SLC16A1: variants seen among roughly 807,000 people sequenced by gnomAD.
The protein encoded by SLC16A1 is monocarboxylate transporter 1.
In SLC16A1, 11 loss-of-function variants were observed where a neutral mutation model predicts 32.2. The observed-to-expected ratio is 0.34, with a 90% CI of 0.21 to 0.56. The LOEUF is 0.56. Among genes scored for constraint, SLC16A1 ranks in the 20% least tolerant of loss-of-function variants. The probability of loss-of-function intolerance (pLI) is 0.87; values close to 1 mark genes in which losing one functional copy is unlikely to be tolerated. For missense variants in SLC16A1, 435 were observed against 615.0 expected (o/e 0.71, Z 3.10); for synonymous variants, 231 against 226.8 (o/e 1.02, Z -0.17).
chr1:112,948,731 G>T (rs1430959810), intron 1 of SLC16A1, among the ~76,000 whole-genome samples: 1 of 152,238 alleles, frequency 6.6e-6, no homozygotes, highest in East Asian at 1.9e-4. Context: ...TCGAACTCCT[G>T]ACCTCAGGTG....
chr1:112,940,130 T>C (rs2101644135), intron 1 of SLC16A1, among the ~76,000 whole-genome samples: 1 of 150,292 alleles, frequency 6.7e-6, no homozygotes, highest in South Asian at 2.1e-4. Flanking sequence ...CTGTAGCTCC[T>C]GGGCTCAAGT....
intron 1 of SLC16A1, among the ~76,000 whole-genome samples, chr1:112,943,889 A>C (rs938181827): frequency 6.6e-6 from 1 of 152,160 alleles, no homozygotes; most frequent in African/African-American, 2.4e-5. Flanking sequence ...ATATACACCA[A>C]ACTTTTTGGC....
At chr1:112,933,172 A>C (rs1649194089) in intron 1 of SLC16A1, among the ~76,000 whole-genome samples, 1 of 152,170 alleles carries the variant, frequency 6.6e-6, no homozygotes, top group African/African-American at 2.4e-5. Flanking sequence ...ATAAAGAAAC[A>C]ACTATAAAAA....
At chr1:112,946,836 T>A (rs1419842905) in intron 1 of SLC16A1, among the ~76,000 whole-genome samples, 1 of 152,120 alleles carries the variant, frequency 6.6e-6, no homozygotes, top group Non-Finnish European at 1.5e-5. Context: ...AAAGAACTTA[T>A]CAATCTTGTT....
At chr1:112,950,145 TATA>T (rs34772905) in intron 1 of SLC16A1, among the ~76,000 whole-genome samples, 14,718 of 152,212 alleles carry the variant, frequency 0.097, 878 homozygotes, top group Non-Finnish European at 0.14. Flanking sequence ...AATGAAAAGA[TATA>T]ATATTTTTCC....
intron 1 of SLC16A1, among the ~76,000 whole-genome samples, chr1:112,954,973 AT>A (rs1650023616): frequency 6.6e-6 from 1 of 152,208 alleles, no homozygotes. Context: ...GGATAAAAAA[AT>A]TGTTGAAACC....
At position 112,917,934 on chromosome 1, in the gene SLC16A1, G is replaced by GTACA; in HGVS notation, c.471_472insTGTA (p.Leu158CysfsTer53). 1 of 1,598,778 alleles carries GTACA rather than the reference G, an allele frequency of 6.3e-7. No homozygotes were observed. The highest frequency in any genetic ancestry group is 1.1e-5 in the South Asian group (1 of 88,190). Reference sequence around the variant, plus strand: ...TGATTGAGGGGGGCCAGAGTACAGAGGAACACAGGGCTGCCTGCCATGGCC... The same window carrying GTACA: ...TGATTGAGGGGGGCCAGAGTACAGAGTACAGAACACAGGGCTGCCTGCCATGGCC... On this transcript the variant is annotated frameshift_variant, in exon 4 of 5. Coordinates refer to ENST00000369626, the MANE Select transcript of SLC16A1 (RefSeq NM_003051.4). LOFTEE classifies it high-confidence loss of function. The surrounding 1 kb of genome is among the most constrained non-coding windows in gnomAD (Gnocchi z 4.1).
intron 1 of SLC16A1, among the ~76,000 whole-genome samples, chr1:112,950,184 A>T (rs138396323): frequency 9.1e-4 from 138 of 152,330 alleles, no homozygotes; most frequent in Non-Finnish European, 1.6e-3. Context: ...AGACCCCTCG[A>T]ATTCAATAGA....
intron 1 of SLC16A1, among the ~76,000 whole-genome samples, chr1:112,950,933 G>A (rs965249351): frequency 1.3e-5 from 2 of 152,120 alleles, no homozygotes; most frequent in African/African-American, 4.8e-5. Context: ...GGAGTTACAG[G>A]CTGCAGTGAA....
chr1:112,924,069 C>A, intron 2 of SLC16A1: 2 of 1,287,030 alleles, frequency 1.6e-6, no homozygotes, highest in Non-Finnish European at 2.3e-6. Context: ...GAAGAAGCAC[C>A]ACTTCGATGG....
intron 1 of SLC16A1, among the ~76,000 whole-genome samples, chr1:112,945,216 C>T (rs966235157): frequency 2.8e-4 from 42 of 151,508 alleles, no homozygotes; most frequent in South Asian, 1.9e-3. Context: ...CCATGGCGGT[C>T]TCAAACTCCT....
chr1:112,931,754 T>C (rs1649138538), intron 1 of SLC16A1, among the ~76,000 whole-genome samples: 1 of 151,938 alleles, frequency 6.6e-6, no homozygotes, highest in African/African-American at 2.4e-5. Context: ...AAATGTAACC[T>C]TCTGTTACAT....
intron 2 of SLC16A1, among the ~76,000 whole-genome samples, chr1:112,928,359 G>A (rs1026103744): frequency 5.3e-5 from 8 of 152,132 alleles, no homozygotes; most frequent in Non-Finnish European, 1.2e-4. Context: ...ACAATACCTA[G>A]CCCAGTGCTG....
At chr1:112,926,788 C>T (rs928654328) in intron 2 of SLC16A1, among the ~76,000 whole-genome samples, 16 of 151,530 alleles carry the variant, frequency 1.1e-4, no homozygotes, top group African/African-American at 3.2e-4. Flanking sequence ...GGGGGAGGAC[C>T]GATCACCTGA....
intron 1 of SLC16A1, among the ~76,000 whole-genome samples, chr1:112,937,301 A>C (rs1028685911): frequency 6.6e-6 from 1 of 152,214 alleles, no homozygotes; most frequent in Non-Finnish European, 1.5e-5. Flanking sequence ...TTAGTCACTA[A>C]AGCTTGCCTC....
rs1648332434 is a variant in SLC16A1 at position 112,911,887 on chromosome 1, C to T, written c.*2004G>A. Reference sequence around the variant, plus strand: ...CTTTTATTTTTTCAGATTTCCTTTACTTACATTCCTTATTCCCTCACCAAC... The same window carrying T: ...CTTTTATTTTTTCAGATTTCCTTTATTTACATTCCTTATTCCCTCACCAAC... On this transcript the variant is annotated 3_prime_UTR_variant, in exon 5 of 5. Transcript: ENST00000369626. 6.6e-6 allele frequency: 1 copy of T among 152,234 alleles called. No homozygotes were observed. The highest frequency in any genetic ancestry group is 1.5e-5 in the Non-Finnish European group (1 of 68,036). 9.4% of individuals were successfully genotyped at this position (152,234 alleles called of 1,614,324 possible).
intron 2 of SLC16A1, among the ~76,000 whole-genome samples, chr1:112,922,604 T>A (rs1295109911): frequency 6.6e-6 from 1 of 151,980 alleles, no homozygotes; most frequent in African/African-American, 2.4e-5. Flanking sequence ...CGAAACCCCG[T>A]CTCGACTAAA....
chr1:112,921,003 T>C (rs1195894372), intron 3 of SLC16A1, among the ~76,000 whole-genome samples: 1 of 151,868 alleles, frequency 6.6e-6, no homozygotes, highest in Non-Finnish European at 1.5e-5. Flanking sequence ...TAGCCAGGCG[T>C]GGTGGCGGGC....
intron 1 of SLC16A1, among the ~76,000 whole-genome samples, chr1:112,947,333 T>C (rs1485196906): frequency 1.3e-5 from 2 of 152,222 alleles, no homozygotes; most frequent in Non-Finnish European, 2.9e-5. Flanking sequence ...GATTATATCA[T>C]TTATGTTACT....
Sources: gnomAD v4.1 joint callset for allele counts (sites outside exome capture counted in the v4.1 genomes callset) on GRCh38, gnomAD v4.1.1 for gene constraint, Gnocchi (gnomAD v3.1) non-coding constraint, MANE v1.5 for transcripts, NCBI Gene and HGNC (gene_info 2026-07-23, HGNC 2026-07-21) for gene names.